Variants in BEND2 observed in about 807,000 individuals in gnomAD.
BEND2 encodes the protein BEN domain containing 2.
A neutral mutation model predicts 43.8 loss-of-function variants in BEND2; 19 were observed. That is an observed-to-expected ratio of 0.43 (90% CI 0.30 to 0.64). The LOEUF is 0.64. BEND2 is among the 30% of genes least tolerant of loss of function. The pLI is 0.11. For synonymous variants in BEND2, 226 were observed against 210.1 expected, an observed-to-expected ratio of 1.08 and a Z score of -0.66; for missense variants, 544 against 574.0, an observed-to-expected ratio of 0.95 and a Z score of 0.53.
At chrX:18,177,918 C>G in intron 9 of BEND2, 149 bp from the exon 10 acceptor site, 1 of 576,102 alleles carries the variant, frequency 1.7e-6, no homozygotes, top group Non-Finnish European at 2.7e-6. Flanking sequence ...TGAATTTCTA[C>G]TTGGGTGAAT....
At chrX:18,171,322 G>T in intron 12 of BEND2, 118 bp from the exon 13 acceptor site, 2 of 838,823 alleles carry the variant, frequency 2.4e-6, no homozygotes, top group Non-Finnish European at 3.3e-6. Context: ...AATTTGAGAG[G>T]TTAAAAAATT....
rs901935081 is a variant in BEND2 at position 18,171,283 on chromosome X, G to A, written c.1982-79C>T. 4.3e-5 allele frequency: 44 copies of A among 1,029,621 alleles called. No homozygotes were observed. The East Asian group carries it at 7.6e-4, about 18-fold the overall frequency. 84.9% of individuals were successfully genotyped at this position (1,029,621 alleles called of 1,213,427 possible). A position where few individuals can be genotyped will look rare whatever the true frequency, so the allele number is the denominator to read the frequency against. On this transcript the variant is annotated intron_variant, in intron 12 of 13. Transcript: ENST00000380033. ...ATTTTTTAAAAGCTGAAACAGAAAC[G>A]TTGATTTTTCTCAATTGTTAGGCTC...
chrX:18,172,905 A>G (rs1329348728), intron 12 of BEND2, among the ~76,000 whole-genome samples: 3 of 110,996 alleles, frequency 2.7e-5, no homozygotes, highest in African/African-American at 9.8e-5. Flanking sequence ...GGAAAAATAG[A>G]TACATATTAT....
intron 4 of BEND2, among the ~76,000 whole-genome samples, chrX:18,204,613 A>G (rs1305260093): frequency 4.5e-5 from 5 of 112,139 alleles, no homozygotes; most frequent in Non-Finnish European, 7.5e-5. Flanking sequence ...ACTGCTAGAC[A>G]CAACAAAAGT....
intron 8 of BEND2, among the ~76,000 whole-genome samples, chrX:18,183,883 G>A (rs1021859512): frequency 9.0e-6 from 1 of 111,722 alleles, no homozygotes; most frequent in African/African-American, 3.3e-5. Context: ...TCCAGCTCCA[G>A]GCCCTGGTTT....
chrX:18,171,119 C>A lies in BEND2; in HGVS notation c.2067G>T (p.Ser689=), dbSNP rs754316057. ...AGAGTTTCTGAATAAGGTATCTAGCCGACAGGCTTGCGCAAGACTTAGTTT... is the reference window on the plus strand; with the variant it reads ...AGAGTTTCTGAATAAGGTATCTAGCAGACAGGCTTGCGCAAGACTTAGTTT... ...LAKTKSCASL[S]ARYLIQKLFT... is the part of the protein sequence containing the mutation. Residue 689 remains serine (S), a synonymous_variant, in exon 13 of 14, where the codon TCG becomes TCT. Transcript: ENST00000380033. The A allele has an allele frequency of 1.9e-5, 23 of 1,209,187 alleles. No individual in the cohort carries two copies. The East Asian group carries it at 6.2e-4, about 33-fold the overall frequency.
Position 18,195,440 on chromosome X carries a change from C to T in BEND2, c.1036G>A (p.Glu346Lys), listed in dbSNP as rs1172600092. The T allele has an allele frequency of 3.3e-6, 4 of 1,196,145 alleles. No individual in the cohort carries two copies. Among genetic ancestry groups the T allele is most frequent in the Non-Finnish European group, 4.5e-6 (4 of 886,196 alleles). ...GGCATTTCAGTAAGTATAATTTTCT[C>T]AGCTATTGGGAAAAAAAAAGAATGC... ...LSVFIPPYFAEKIILTEMPGT... is the reference protein window; with the variant it reads ...LSVFIPPYFAKKIILTEMPGT... The change falls in exon 7 of 14, where the codon GAG becomes AAG. Residue 346 changes from glutamate (E) to lysine (K), a missense_variant and splice_region_variant. Coordinates refer to ENST00000380033, the MANE Select transcript of BEND2 (RefSeq NM_153346.5).
At chrX:18,175,552 A>G (rs1226502568) in intron 11 of BEND2, among the ~76,000 whole-genome samples, 1 of 112,065 alleles carries the variant, frequency 8.9e-6, no homozygotes, top group Non-Finnish European at 1.9e-5. Context: ...AAGTTCCATC[A>G]TCACTAAAAG....
At chrX:18,200,502 CAAA>C (rs397895069) in intron 6 of BEND2, among the ~76,000 whole-genome samples, 2 of 38,645 alleles carry the variant, frequency 5.2e-5, no homozygotes, top group Admixed American at 3.4e-4. Flanking sequence ...GACTCTGTCT[CAAA>C]AAAAAAAAAA....
chrX:18,195,407 T>C lies in BEND2; in HGVS notation c.1069A>G (p.Thr357Ala). 1 of 1,209,049 alleles carries C rather than the reference T, an allele frequency of 8.3e-7. No individual in the cohort carries two copies. The highest frequency in any genetic ancestry group is 1.1e-6 in the Non-Finnish European group (1 of 893,988). Residue 357 changes from threonine (T) to alanine (A), a missense_variant, in exon 7 of 14, where the codon ACA becomes GCA. Physicochemically the swap from Thr to Ala is moderately conservative, Grantham distance 58 (BLOSUM62 0). Around this residue, in one of 2 missense-constraint regions of BEND2, gnomAD observed 501 missense variants for 501.6 expected, o/e 1.00. Transcript: ENST00000380033. ...GAGTTATTTTCCACGTTGGTTTCTG[T>C]TGTTCCTGGCATTTCAGTAAGTATA... is the stretch of plus-strand genomic sequence containing the variant. ...KIILTEMPGT[T>A]ETNVENNSQT...
chrX:18,203,313 T>C (rs1925225125), intron 5 of BEND2, among the ~76,000 whole-genome samples, 188 bp downstream of exon 5: 1 of 111,718 alleles, frequency 9.0e-6, no homozygotes, highest in African/African-American at 3.2e-5. Flanking sequence ...TCTTATGAGA[T>C]GTTACCACTG....
chrX:18,192,790 CCAGT>C (rs1163549079), intron 7 of BEND2, among the ~76,000 whole-genome samples: 1 of 111,834 alleles, frequency 8.9e-6, no homozygotes, highest in Non-Finnish European at 1.9e-5. Context: ...ACTCATACAT[CCAGT>C]CAGTCAGATG....
intron 4 of BEND2, 95 bp downstream of exon 4, chrX:18,212,470 G>T: frequency 1.7e-6 from 1 of 582,807 alleles, no homozygotes; most frequent in Non-Finnish European, 2.8e-6. Flanking sequence ...GCATTTTACT[G>T]CATGAAATTC....
At chrX:18,180,684 T>A in intron 8 of BEND2, 34 bp from the exon 9 acceptor site, 1 of 1,093,845 alleles carries the variant, frequency 9.1e-7, no homozygotes, top group Non-Finnish European at 1.3e-6. Context: ...GACAATTCTA[T>A]ATCCAGCAAA....
intron 8 of BEND2, 116 bp downstream of exon 8, chrX:18,190,885 A>T (rs1215029197): frequency 3.6e-6 from 2 of 560,848 alleles, no homozygotes. Context: ...ATTTTACTAT[A>T]TTTTTGTAAA....
At position 18,180,521 on chromosome X, in the gene BEND2, G is replaced by A; in HGVS notation, c.1418C>T (p.Pro473Leu). The A allele has an allele frequency of 2.5e-6, 3 of 1,206,446 alleles. No homozygotes were observed. Among genetic ancestry groups the A allele is most frequent in the Non-Finnish European group, 2.2e-6 (2 of 891,065 alleles). The change falls in exon 9 of 14, where the codon CCT becomes CTT. Residue 473 changes from proline (P) to leucine (L), a missense_variant. By Grantham distance (98) the Pro-to-Leu change is moderately conservative. Transcript: ENST00000380033. ...TATTTCAAACTCACCATACTTGGGA[G>A]GGATACAGACAGATGATGAGGAAGA... ...QDSSSSSVCIPPKYGYLGDPK... is the reference protein window; with the variant it reads ...QDSSSSSVCILPKYGYLGDPK...
At chrX:18,175,866 T>G in intron 11 of BEND2, 106 bp downstream of exon 11, 1 of 768,756 alleles carries the variant, frequency 1.3e-6, no homozygotes, top group Non-Finnish European at 1.8e-6. Flanking sequence ...TAATGAGAAT[T>G]TTAGCACATG....
At chrX:18,179,319 G>A (rs1488505907) in intron 9 of BEND2, among the ~76,000 whole-genome samples, 2 of 105,135 alleles carry the variant, frequency 1.9e-5, no homozygotes, top group African/African-American at 3.5e-5. Context: ...ATGCCACCAC[G>A]CCTGGCTAAT....
Position 18,180,501 on chromosome X carries a change from C to T in BEND2, c.1429+9G>A. On this transcript the variant is annotated intron_variant, in intron 9 of 13. Transcript: ENST00000380033. The stretch of plus-strand genomic sequence containing the variant: ...GTGCCACTTATAATGTGTGTTATTT[C>T]AAACTCACCATACTTGGGAGGGATA... 8.3e-7 allele frequency: 1 copy of T among 1,206,890 alleles called. No homozygotes were observed.
Sources: allele counts gnomAD v4.1 joint callset (sites outside exome capture counted in the v4.1 genomes callset), GRCh38; gene constraint gnomAD v4.1.1; regional missense constraint gnomAD v4.1.1; transcripts MANE v1.5; gene names NCBI Gene and HGNC (gene_info 2026-07-23, HGNC 2026-07-21).